HTATSF1: variants seen among roughly 807,000 people sequenced by gnomAD.
HTATSF1 encodes the protein 17S U2 SnRNP complex component HTATSF1.
Under a neutral mutation model 46.1 loss-of-function variants are expected in HTATSF1, and 6 were observed. The observed-to-expected ratio is 0.13, with a 90% CI of 0.07 to 0.26. HTATSF1 has a LOEUF of 0.26. Among genes scored for constraint, HTATSF1 ranks in the 10% least tolerant of loss-of-function variants. The pLI is 1.00. For missense variants in HTATSF1, 452 were observed against 559.9 expected (o/e 0.81, Z 1.94); for synonymous variants, 226 against 211.5 (o/e 1.07, Z -0.60).
At chrX:136,504,722 A>G (rs1380752460) in intron 6 of HTATSF1, among the ~76,000 whole-genome samples, 1 of 112,248 alleles carries the variant, frequency 8.9e-6, no homozygotes, top group African/African-American at 3.2e-5. Context: ...GCTACTTGGT[A>G]TGGGAAACCA....
chrX:136,500,404 AC>A (rs1417600334), intron 3 of HTATSF1, among the ~76,000 whole-genome samples, 199 bp downstream of exon 3: 5 of 112,055 alleles, frequency 4.5e-5, no homozygotes, highest in African/African-American at 1.6e-4. Flanking sequence ...TTGCATACCA[AC>A]CTTTAGGCCT....
rs2075771198 is a variant in HTATSF1 at position 136,511,919 on chromosome X, G to A, written c.2174G>A (p.Gly725Glu). The stretch of plus-strand genomic sequence containing the variant: ...TTGTTTGACGATTCTGATGAGAGGG[G>A]GACTTTGGGTGGTTTTGGGAGTGTT... ...EKLFDDSDER[G>E]TLGGFGSVEE... Residue 725 changes from glycine (G) to glutamate (E), a missense_variant, in exon 9 of 9, where the codon GGG becomes GAG. Transcript: ENST00000218364. 2.5e-6 allele frequency: 3 copies of A among 1,211,576 alleles called. No homozygotes were observed. Among genetic ancestry groups the A allele is most frequent in the Middle Eastern group, 4.6e-4 (2 of 4,354 alleles).
chrX:136,497,263 C>G (rs1166493251), upstream of HTATSF1: 1 of 112,992 alleles, frequency 8.9e-6, no homozygotes, highest in Admixed American at 9.2e-5. Flanking sequence ...ACAATGGCGG[C>G]TGCGTCGGCC....
chrX:136,497,586 G>A, upstream of HTATSF1: 1 of 707,001 alleles, frequency 1.4e-6, no homozygotes, highest in Non-Finnish European at 2.0e-6. Context: ...GCGGCGGGGC[G>A]CGAGCAGAGC....
chrX:136,509,031 T>G, intron 6 of HTATSF1, 60 bp from the exon 7 acceptor site: 8 of 782,056 alleles, frequency 1.0e-5, no homozygotes, highest in Middle Eastern at 2.9e-4. Flanking sequence ...AGAAATTGGA[T>G]TCTCAGGATT....
At chrX:136,497,536 C>G (rs2075696903), upstream of HTATSF1, 2 of 381,501 alleles carry the variant, frequency 5.2e-6, no homozygotes, top group Non-Finnish European at 8.5e-6. Flanking sequence ...CCGCGATTTC[C>G]CGGGGACTGC....
Position 136,510,844 on chromosome X carries a change from A to C in HTATSF1, c.1099A>C (p.Arg367=). 1 of 1,203,248 alleles carries C rather than the reference A, an allele frequency of 8.3e-7. No homozygotes were observed. The highest frequency in any genetic ancestry group is 1.1e-6 in the Non-Finnish European group (1 of 891,958). The part of the protein sequence containing the change: ...ETSREREERL[R]GWEAFLNAPE... ...CTCAAGAGAAAGGGAGGAAAGGCTG[A>C]GAGGATGGGAGGCTTTCCTCAATGC... Residue 367 remains arginine (R), a synonymous_variant, in exon 9 of 9, where the codon AGA becomes CGA. Transcript: ENST00000218364.
Position 136,511,003 on chromosome X carries a change from A to G in HTATSF1, c.1258A>G (p.Met420Val). ...GAATGCTCAAGAAACTGCAACTGGA[A>G]TGGCGTTTGAAGAACCTATAGATGA... ...KMNAQETATG[M>V]AFEEPIDEKK... Residue 420 changes from methionine (M) to valine (V), a missense_variant, in exon 9 of 9, where the codon ATG becomes GTG. Met to Val is a conservative substitution (Grantham distance 21). Coordinates refer to ENST00000218364, the MANE Select transcript of HTATSF1 (RefSeq NM_014500.5). 8.3e-7 allele frequency: 1 copy of G among 1,211,550 alleles called. No individual in the cohort carries two copies.
rs2075699557 is a variant in HTATSF1, at chrX:136,497,864, C to T, written c.180C>T (p.Phe60=). The change falls in exon 1 of 9, where the codon TTC becomes TTT. Residue 60 remains phenylalanine, a synonymous_variant. Transcript: ENST00000218364. ...YEWDLDKKAW[F]PKITEDFIAT... ...GGGACCTGGACAAAAAGGCTTGGTT[C>T]CCCAAGGTAGGAGAGTGCCACGGGC... The T allele has an allele frequency of 8.6e-7, 1 of 1,162,307 alleles. No homozygotes were observed. The highest frequency in any genetic ancestry group is 1.9e-5 in the South Asian group (1 of 51,305).
intron 4 of HTATSF1, among the ~76,000 whole-genome samples, chrX:136,502,083 C>T (rs2075720780): frequency 9.0e-6 from 1 of 111,295 alleles, no homozygotes. Flanking sequence ...TTCTACAGGT[C>T]CTCTGATCTT....
At chrX:136,510,376 CTTAA>C (rs750379928) in intron 8 of HTATSF1, among the ~76,000 whole-genome samples, 157 bp downstream of exon 8, 2 of 112,720 alleles carry the variant, frequency 1.8e-5, no homozygotes, top group African/African-American at 3.2e-5. Flanking sequence ...TACTCTTCCT[CTTAA>C]TTATTTACAG....
intron 4 of HTATSF1, among the ~76,000 whole-genome samples, chrX:136,501,035 C>T (rs1202897392): frequency 1.8e-5 from 2 of 112,092 alleles, no homozygotes; most frequent in Non-Finnish European, 3.8e-5. Context: ...TATAAGTATG[C>T]GACTGGAGTG....
At chrX:136,508,993 T>G (rs2075755463) in intron 6 of HTATSF1, 98 bp from the exon 7 acceptor site, 1 of 622,424 alleles carries the variant, frequency 1.6e-6, no homozygotes, top group Non-Finnish European at 2.6e-6. Flanking sequence ...AAGCAAAACC[T>G]TTTTCTGTTT....
In HTATSF1 at chrX:136,510,195, A is replaced by G; in HGVS notation, c.1038A>G (p.Ala346=). 3 of 1,211,180 alleles carry G rather than the reference A, an allele frequency of 2.5e-6. No individual in the cohort carries two copies. Among genetic ancestry groups the G allele is most frequent in the Non-Finnish European group, 3.4e-6 (3 of 894,986 alleles). The change falls in exon 8 of 9, where the codon GCA becomes GCG. Residue 346 remains alanine, a synonymous_variant. Coordinates refer to ENST00000218364, the MANE Select transcript of HTATSF1 (RefSeq NM_014500.5). ...WFGGRQITAQ[A]WDGTTDYQVE... is the part of the protein sequence containing the mutation. ...GTGGCCGTCAAATCACTGCCCAGGCATGGGATGGGACTACAGATTATCAGG... is the reference window on the plus strand; with the variant it reads ...GTGGCCGTCAAATCACTGCCCAGGCGTGGGATGGGACTACAGATTATCAGG...
In HTATSF1 at chrX:136,510,162, A is replaced by G. The variant is rs780312564; in HGVS notation, c.1005A>G (p.Arg335=). 11 of 1,208,648 alleles carry G rather than the reference A, an allele frequency of 9.1e-6. No individual in the cohort carries two copies. The highest frequency in any genetic ancestry group is 4.4e-5 in the Admixed American group (2 of 45,749). The change falls in exon 8 of 9, where the codon AGA becomes AGG. Residue 335 remains arginine (R), a synonymous_variant. Transcript: ENST00000218364. ...ADYCIQTLDG[R]WFGGRQITAQ... is the part of the protein sequence containing the mutation. ...ATTGTATTCAGACTCTCGATGGAAGATGGTTTGGTGGCCGTCAAATCACTG... is the reference window on the plus strand; with the variant it reads ...ATTGTATTCAGACTCTCGATGGAAGGTGGTTTGGTGGCCGTCAAATCACTG...
In HTATSF1 at chrX:136,503,207, A is replaced by G. The variant is rs550828535; in HGVS notation, c.734+266A>G. ...TCTGTTTGGAAAACGTTGAACATCAAATTAAATAAGATAGTTTAGGCTTAT... is the reference window on the plus strand; with the variant it reads ...TCTGTTTGGAAAACGTTGAACATCAGATTAAATAAGATAGTTTAGGCTTAT... On this transcript the variant is annotated intron_variant, in intron 5 of 8. Transcript: ENST00000218364. Among the ~76,000 whole-genome samples, 29 of 111,987 alleles carry G rather than the reference A, an allele frequency of 2.6e-4. 1 individual carries two copies. In the South Asian group the frequency reaches 7.4e-3, roughly 28 times the overall value.
chrX:136,502,342 G>T (rs2075721960), intron 4 of HTATSF1, among the ~76,000 whole-genome samples: 1 of 111,763 alleles, frequency 8.9e-6, no homozygotes, highest in Non-Finnish European at 1.9e-5. Context: ...AAATCATGCA[G>T]ATTTGCTCCC....
chrX:136,508,221 A>G lies in HTATSF1; in HGVS notation c.835-870A>G, dbSNP rs997256597. Among the ~76,000 whole-genome samples the G allele has an allele frequency of 3.6e-5, 4 of 112,568 alleles. No homozygotes were observed. In the South Asian group the frequency reaches 1.4e-3, roughly 41 times the overall value. Reference sequence around the variant, plus strand: ...GTGTAAGAAAGATAGATGCGCTTAAATGTTTCCTAGAAAGTATAAGTCACC... The same window carrying G: ...GTGTAAGAAAGATAGATGCGCTTAAGTGTTTCCTAGAAAGTATAAGTCACC... On this transcript the variant is annotated intron_variant, in intron 6 of 8. Coordinates refer to ENST00000218364, the MANE Select transcript of HTATSF1 (RefSeq NM_014500.5).
intron 6 of HTATSF1, 111 bp from the exon 7 acceptor site, chrX:136,508,980 C>A: frequency 1.8e-6 from 1 of 564,360 alleles, no homozygotes; most frequent in Non-Finnish European, 2.9e-6. Context: ...AAAACACAAC[C>A]TTAAGCAAAA....
Sources: allele counts gnomAD v4.1 joint callset (sites outside exome capture counted in the v4.1 genomes callset), GRCh38; gene constraint gnomAD v4.1.1; transcripts MANE v1.5; gene names NCBI Gene and HGNC (gene_info 2026-07-23, HGNC 2026-07-21).